Variants in ZNF804B observed in about 807,000 individuals in gnomAD.
ZNF804B encodes the protein zinc finger 804B.
Under a neutral mutation model 101.4 loss-of-function variants are expected in ZNF804B, and 80 were observed. The observed-to-expected ratio is 0.79, with a 90% CI of 0.66 to 0.95. The LOEUF (loss-of-function observed/expected upper bound fraction) is 0.95. Ranked by LOEUF, ZNF804B falls within the 40% of genes least tolerant of loss-of-function variation. ZNF804B has a pLI of 0.00. For synonymous variants in ZNF804B, 622 were observed against 558.8 expected, an observed-to-expected ratio of 1.11 and a Z score of -1.59; for missense variants, 1,673 against 1,561.9, an observed-to-expected ratio of 1.07 and a Z score of -1.20.
chr7:89,206,940 A>G (rs1425271373), intron 1 of ZNF804B, among the ~76,000 whole-genome samples: 3 of 151,976 alleles, frequency 2.0e-5, no homozygotes, highest in Admixed American at 1.3e-4. Flanking sequence ...TTGCTAAAAC[A>G]TAACAAGAGT....
intron 1 of ZNF804B, among the ~76,000 whole-genome samples, chr7:89,016,741 C>A (rs1170286015): frequency 1.3e-5 from 2 of 152,058 alleles, no homozygotes; most frequent in African/African-American, 2.4e-5. Flanking sequence ...GTTACTGTAG[C>A]CTTGTAGTAT....
chr7:89,218,339 C>T, intron 2 of ZNF804B, 44 bp downstream of exon 2: 1 of 1,606,384 alleles, frequency 6.2e-7, no homozygotes, highest in Non-Finnish European at 8.5e-7. Flanking sequence ...TGTATTTATA[C>T]CTTCAGAACA....
At position 89,336,094 on chromosome 7, in the gene ZNF804B, C is replaced by T. The variant is rs763859153; in HGVS notation, c.3112C>T (p.Gln1038Ter). 41 of 1,613,798 alleles carry T rather than the reference C, an allele frequency of 2.5e-5. No homozygotes were observed. The highest frequency in any genetic ancestry group is 3.3e-5 in the Non-Finnish European group (39 of 1,179,974). ...TATAATTCACCTAGTAACAGAGTCT[C>T]AGTCACTAAACATAAAAAGGGATGC... Reference protein sequence around the residue: ...KGIIHLVTESQSLNIKRDATT... With the variant: ...KGIIHLVTES The change falls in exon 4 of 4, where the codon CAG (glutamine) becomes TAG (stop). Residue 1038 changes from glutamine (Q) to a stop codon, truncating the protein, a stop_gained. Coordinates refer to ENST00000333190, the MANE Select transcript of ZNF804B (RefSeq NM_181646.5). LOFTEE classifies it high-confidence loss of function.
At chr7:88,933,931 CA>C (rs3034321) in intron 1 of ZNF804B, among the ~76,000 whole-genome samples, 10,942 of 135,468 alleles carry the variant, frequency 0.081, 592 homozygotes, top group East Asian at 0.17. Context: ...TGTATTAAAC[CA>C]AAAAAAAAAA....
chr7:89,016,262 A>G (rs1166029503), intron 1 of ZNF804B, among the ~76,000 whole-genome samples: 2 of 152,160 alleles, frequency 1.3e-5, no homozygotes, highest in Non-Finnish European at 2.9e-5. Context: ...AGTAGGTTGC[A>G]AAAATTTTCT....
At chr7:89,208,725 T>A (rs1431930421) in intron 1 of ZNF804B, among the ~76,000 whole-genome samples, 3 of 152,060 alleles carry the variant, frequency 2.0e-5, no homozygotes, top group African/African-American at 7.2e-5. Flanking sequence ...AAATAATCCC[T>A]GTTTAGACTG....
At chr7:88,967,725 A>C (rs951448070) in intron 1 of ZNF804B, among the ~76,000 whole-genome samples, 2 of 151,326 alleles carry the variant, frequency 1.3e-5, no homozygotes, top group African/African-American at 4.8e-5. Flanking sequence ...GCAAAAAAAA[A>C]AAAAAAAAAA....
chr7:88,977,898 C>G (rs1243635435), intron 1 of ZNF804B, among the ~76,000 whole-genome samples: 1 of 151,212 alleles, frequency 6.6e-6, no homozygotes, highest in Non-Finnish European at 1.5e-5. Context: ...ATGCTGCTTT[C>G]TCTGTACTCC....
At chr7:89,066,482 C>G (rs928668827) in intron 1 of ZNF804B, among the ~76,000 whole-genome samples, 2 of 152,046 alleles carry the variant, frequency 1.3e-5, no homozygotes, top group Non-Finnish European at 2.9e-5. Context: ...TGATGGGAAC[C>G]ATTAGCAGGT....
At chr7:88,794,866 G>A (rs1226326431) in intron 1 of ZNF804B, 1 of 1,612,620 alleles carries the variant, frequency 6.2e-7, no homozygotes, top group African/African-American at 1.3e-5. Context: ...ATTGCTACGT[G>A]GGACTTGGAG....
At chr7:89,051,463 A>G (rs1339561300) in intron 1 of ZNF804B, among the ~76,000 whole-genome samples, 1 of 152,086 alleles carries the variant, frequency 6.6e-6, no homozygotes, top group Non-Finnish European at 1.5e-5. Context: ...GCTGGATTTT[A>G]TTGTTCCTGT....
At chr7:89,167,436 C>T (rs1401095104) in intron 1 of ZNF804B, among the ~76,000 whole-genome samples, 1 of 107,256 alleles carries the variant, frequency 9.3e-6, no homozygotes, top group African/African-American at 3.1e-5. Context: ...AACAGCAAGA[C>T]AGTGTCTTAT....
rs539366981 is a variant in ZNF804B at position 88,915,480 on chromosome 7, G to A, written c.108+155396G>A. Among the ~76,000 whole-genome samples, 15 of 152,022 alleles carry A rather than the reference G, an allele frequency of 9.9e-5. No homozygotes were observed. In the East Asian group the frequency reaches 2.5e-3, roughly 25 times the overall value. ...GACAAATTAAATAGATGAACTTAAT[G>A]ATTGAAATGGCCTTATACTTTTATA... On this transcript the variant is annotated intron_variant, in intron 1 of 3. Transcript: ENST00000333190.
chr7:89,148,071 C>T (rs1036065109), intron 1 of ZNF804B, among the ~76,000 whole-genome samples: 1 of 151,936 alleles, frequency 6.6e-6, no homozygotes, highest in African/African-American at 2.4e-5. Flanking sequence ...TTAGGGACCA[C>T]CTACATAGGC....
chr7:89,284,790 A>G (rs1250684719), intron 2 of ZNF804B, among the ~76,000 whole-genome samples: 1 of 152,204 alleles, frequency 6.6e-6, no homozygotes, highest in Non-Finnish European at 1.5e-5. Context: ...TAATGCTAAC[A>G]AAGGATGGTG....
intron 1 of ZNF804B, among the ~76,000 whole-genome samples, chr7:89,189,390 T>C (rs1788422969): frequency 6.6e-6 from 1 of 152,072 alleles, no homozygotes; most frequent in East Asian, 1.9e-4. Context: ...CAAAATATAA[T>C]TTTAGGTAGT....
intron 1 of ZNF804B, among the ~76,000 whole-genome samples, chr7:89,191,640 C>G (rs1788456282): frequency 6.6e-6 from 1 of 152,070 alleles, no homozygotes; most frequent in Non-Finnish European, 1.5e-5. Flanking sequence ...TGTAATGAAT[C>G]ATGAAATCTA....
chr7:88,780,876 G>A (rs1425409743), intron 1 of ZNF804B, among the ~76,000 whole-genome samples: 1 of 152,052 alleles, frequency 6.6e-6, no homozygotes, highest in Non-Finnish European at 1.5e-5. Context: ...ATAAAAATGT[G>A]TATTTTGCTT....
At chr7:88,969,961 T>C (rs1793507234) in intron 1 of ZNF804B, among the ~76,000 whole-genome samples, 1 of 151,588 alleles carries the variant, frequency 6.6e-6, no homozygotes, top group South Asian at 2.1e-4. Context: ...AATACAGTTA[T>C]AAAACCTGAA....
Sources: gnomAD v4.1 joint callset for allele counts (sites outside exome capture counted in the v4.1 genomes callset) on GRCh38, gnomAD v4.1.1 for gene constraint, MANE v1.5 for transcripts, NCBI Gene and HGNC (gene_info 2026-07-23, HGNC 2026-07-21) for gene names.